The following NMRK2 variants were observed in gnomAD, a reference collection of about 807,000 sequenced individuals.
NMRK2 encodes nicotinamide riboside kinase 2, also known as NRK 2.
Under a neutral mutation model 24.7 loss-of-function variants are expected in NMRK2, and 34 were observed. That is an observed-to-expected ratio of 1.37 (90% confidence interval 1.05 to 1.83). The LOEUF (loss-of-function observed/expected upper bound fraction) is 1.83, where lower values mean the gene tolerates loss of function less well. Among genes scored for constraint, NMRK2 ranks in the 40% most tolerant of loss-of-function variants. The probability of loss-of-function intolerance (pLI) is 0.00; values close to 1 mark genes in which losing one functional copy is unlikely to be tolerated. For synonymous variants in NMRK2, 145 were observed against 125.6 expected (o/e 1.15, Z -1.03); for missense variants, 341 against 315.0 (o/e 1.08, Z -0.62).
Position 3,942,203 on chromosome 19 carries a change from C to A in NMRK2, c.623C>A (p.Thr208Lys). 6.2e-7 allele frequency: 1 copy of A among 1,613,120 alleles called. No individual in the cohort carries two copies. ...CCCTCCCCGGCTCGCCCAGCCAGGA[C>A]ACAGGGACCCGGACGCGGATGCGGC... is the stretch of plus-strand genomic sequence containing the variant. Reference protein sequence around the residue: ...SAPSPARPARTQGPGRGCGHR... With the variant: ...SAPSPARPARKQGPGRGCGHR... The change falls in exon 8 of 8, where the codon ACA (threonine) becomes AAA (lysine). Residue 208 changes from threonine (T) to lysine (K), a missense_variant. Transcript: ENST00000168977.
chr19:3,942,378 G>T lies in NMRK2; in HGVS notation c.*105G>T. On this transcript the variant is annotated 3_prime_UTR_variant, in exon 8 of 8. Coordinates refer to ENST00000168977, the MANE Select transcript of NMRK2 (RefSeq NM_170678.3). The stretch of plus-strand genomic sequence containing the variant: ...AGCCCCAAGACGCCTCTGTAACCTC[G>T]CTGCAGCTTCAGTAGTAAACTGGGT... 1.0e-6 allele frequency: 1 copy of T among 993,540 alleles called. No individual in the cohort carries two copies. Among genetic ancestry groups the T allele is most frequent in the East Asian group, 2.6e-5 (1 of 38,150 alleles). The allele number at this position is 993,540 out of a possible 1,614,324, so 61.5% of individuals were successfully genotyped here.
At chr19:3,936,362 C>T (rs754540141) in intron 2 of NMRK2, among the ~76,000 whole-genome samples, 2 of 151,798 alleles carry the variant, frequency 1.3e-5, no homozygotes, top group African/African-American at 4.8e-5. Context: ...GAGCTGAGAT[C>T]GCGCCACTGC....
At chr19:3,933,796 T>TGAGGTCACATACACGCCGCCC in intron 2 of NMRK2, 99 bp downstream of exon 2, 1 of 1,202,178 alleles carries the variant, frequency 8.3e-7, no homozygotes, top group Non-Finnish European at 1.1e-6. Context: ...GCCTGGCGCC[T>TGAGGTCACATACACGCCGCCC]GAGGTCACCT....
chr19:3,936,563 C>T lies in NMRK2; in HGVS notation c.27-12C>T. The T allele has an allele frequency of 1.2e-5, 19 of 1,540,772 alleles. No individual in the cohort carries two copies. The highest frequency in any genetic ancestry group is 1.6e-5 in the Non-Finnish European group (18 of 1,145,444). On this transcript the variant is annotated splice_polypyrimidine_tract_variant and intron_variant, in intron 2 of 7. Coordinates refer to ENST00000168977, the MANE Select transcript of NMRK2 (RefSeq NM_170678.3). ...GAGCCCAGGCAGTCTCATGCACACG[C>T]TGTCTCCCCAGCATGACCAACGGCG...
Position 3,933,526 on chromosome 19 carries a change from T to C in NMRK2, c.-146T>C. ...CTCCGCCCCATCCCCAGGGGCCGCCTCCCCCGGGGCGGCCTCCAGGCTGCC... is the reference window on the plus strand; with the variant it reads ...CTCCGCCCCATCCCCAGGGGCCGCCCCCCCCGGGGCGGCCTCCAGGCTGCC... On this transcript the variant is annotated 5_prime_UTR_variant, in exon 2 of 8. Transcript: ENST00000168977. The C allele has an allele frequency of 1.2e-6, 1 of 852,264 alleles. No individual in the cohort carries two copies. Among genetic ancestry groups the C allele is most frequent in the South Asian group, 1.9e-5 (1 of 53,380 alleles). 52.8% of individuals were successfully genotyped at this position (852,264 alleles called of 1,614,324 possible).
chr19:3,941,278 C>T (rs2039328983), intron 7 of NMRK2, 101 bp downstream of exon 7: 1 of 631,906 alleles, frequency 1.6e-6, no homozygotes, highest in South Asian at 2.0e-5. Context: ...AAGACAGAGT[C>T]TCACTCTGTC....
At position 3,942,360 on chromosome 19, in the gene NMRK2, A is replaced by G. The variant is rs116383371; in HGVS notation, c.*87A>G. On this transcript the variant is annotated 3_prime_UTR_variant, in exon 8 of 8. Coordinates refer to ENST00000168977, the MANE Select transcript of NMRK2 (RefSeq NM_170678.3). ...CCCGGAGCTCAGGGACTGAGCCCCAAGACGCCTCTGTAACCTCGCTGCAGC... is the reference window on the plus strand; with the variant it reads ...CCCGGAGCTCAGGGACTGAGCCCCAGGACGCCTCTGTAACCTCGCTGCAGC... The G allele has an allele frequency of 2.9e-3, 3,737 of 1,274,042 alleles. 90 individuals are homozygous for G. The African/African-American group carries it at 0.049, about 17-fold the overall frequency. 78.9% of individuals were successfully genotyped at this position (1,274,042 alleles called of 1,614,324 possible). A position where few individuals can be genotyped will look rare whatever the true frequency, so the allele number is the denominator to read the frequency against.
intron 5 of NMRK2, 126 bp from the exon 6 acceptor site, chr19:3,939,774 C>G: frequency 1.4e-6 from 1 of 738,912 alleles, no homozygotes; most frequent in Non-Finnish European, 2.3e-6. Context: ...GACCCCTAAA[C>G]TCACTGGCCC....
chr19:3,940,242 G>A (rs564004824), intron 6 of NMRK2, among the ~76,000 whole-genome samples: 3 of 149,618 alleles, frequency 2.0e-5, no homozygotes, highest in South Asian at 2.1e-4. Flanking sequence ...AGCTACTTGG[G>A]AGGCTGAGGC....
rs1237144989 is a variant in NMRK2 at position 3,942,096 on chromosome 19, C to A, written c.516C>A (p.Gly172=). The A allele has an allele frequency of 6.2e-7, 1 of 1,613,094 alleles. No individual in the cohort carries two copies. The highest frequency in any genetic ancestry group is 8.5e-7 in the Non-Finnish European group (1 of 1,179,946). ...TTCTGATTTCAGTCTACCTGGACGGCATGAAGTCCCGAGAGGAGCTCTTCC... is the reference window on the plus strand; with the variant it reads ...TTCTGATTTCAGTCTACCTGGACGGAATGAAGTCCCGAGAGGAGCTCTTCC... The part of the protein sequence containing the change: ...ANGVEVVYLD[G]MKSREELFRE... The change falls in exon 8 of 8, where the codon GGC becomes GGA. Residue 172 remains glycine, a synonymous_variant. Coordinates refer to ENST00000168977, the MANE Select transcript of NMRK2 (RefSeq NM_170678.3).
In NMRK2 at chr19:3,933,425, G is replaced by T. The variant is rs1384582520; in HGVS notation, c.-214-33G>T. ...GGAGGGAAGAGGCAGCCCCCTGCCC[G>T]GCCAGCTCGTGACTAATTTAGGCAA... On this transcript the variant is annotated intron_variant, in intron 1 of 7. Coordinates refer to ENST00000168977, the MANE Select transcript of NMRK2 (RefSeq NM_170678.3). 8.0e-6 allele frequency: 4 copies of T among 501,834 alleles called. No individual in the cohort carries two copies. In the African/African-American group the frequency reaches 8.2e-5, roughly 10 times the overall value. The allele number at this position is 501,834 out of a possible 1,614,324, so 31.1% of individuals were successfully genotyped here. A position where few individuals can be genotyped will look rare whatever the true frequency, so the allele number is the denominator to read the frequency against.
chr19:3,935,784 G>A (rs1023882724), intron 2 of NMRK2, among the ~76,000 whole-genome samples: 3 of 151,356 alleles, frequency 2.0e-5, no homozygotes, highest in African/African-American at 7.3e-5. Context: ...TTACTATGTT[G>A]CCCAGGCTAG....
Position 3,933,705 on chromosome 19 carries a change from C to G in NMRK2, c.26+8C>G. 1 of 1,437,276 alleles carries G rather than the reference C, an allele frequency of 7.0e-7. No individual in the cohort carries two copies. Among genetic ancestry groups the G allele is most frequent in the Non-Finnish European group, 9.1e-7 (1 of 1,095,734 alleles). The allele number at this position is 1,437,276 out of a possible 1,614,324, so 89.0% of individuals were successfully genotyped here. A position where few individuals can be genotyped will look rare whatever the true frequency, so the allele number is the denominator to read the frequency against. On this transcript the variant is annotated splice_region_variant and intron_variant, in intron 2 of 7. Transcript: ENST00000168977. ...CATCGTGGGCATCGGAGGGTGAGCG[C>G]CGGGGGACCTGGTGGGCGGCCCTGC...
chr19:3,941,413 C>T (rs1160429492), intron 7 of NMRK2, among the ~76,000 whole-genome samples: 1 of 151,746 alleles, frequency 6.6e-6, no homozygotes, highest in East Asian at 1.9e-4. Context: ...CCACACTCGG[C>T]CCCTAATTTG....
rs1439732983 is a variant in NMRK2 at position 3,942,340 on chromosome 19, A to G, written c.*67A>G. On this transcript the variant is annotated 3_prime_UTR_variant, in exon 8 of 8. Transcript: ENST00000168977. Reference sequence around the variant, plus strand: ...CCCCACTCCCAGTTGGGCGTCCCGGAGCTCAGGGACTGAGCCCCAAGACGC... The same window carrying G: ...CCCCACTCCCAGTTGGGCGTCCCGGGGCTCAGGGACTGAGCCCCAAGACGC... 1 of 1,458,900 alleles carries G rather than the reference A, an allele frequency of 6.9e-7. No homozygotes were observed. The highest frequency in any genetic ancestry group is 2.5e-5 in the East Asian group (1 of 40,672). 90.4% of individuals were successfully genotyped at this position (1,458,900 alleles called of 1,614,324 possible).
chr19:3,939,679 G>C (rs911183955), intron 5 of NMRK2, among the ~76,000 whole-genome samples: 3 of 152,112 alleles, frequency 2.0e-5, no homozygotes, highest in African/African-American at 7.2e-5. Flanking sequence ...CTGTCTGTCT[G>C]TGCCCGTCCA....
rs142587749 is a variant in NMRK2, at chr19:3,941,119, C to T, written c.444C>T (p.His148=). Residue 148 remains histidine, a synonymous_variant, in exon 7 of 8, where the codon CAC becomes CAT. Coordinates refer to ENST00000168977, the MANE Select transcript of NMRK2 (RefSeq NM_170678.3). ...ATCCCCCCGGCCTCTTCGATGGCCA[C>T]GTGTGGCCCATGTACCAGAAGTATA... The part of the protein sequence containing the change: ...VPDPPGLFDG[H]VWPMYQKYRQ... 9.0e-5 allele frequency: 135 copies of T among 1,504,690 alleles called. No individual in the cohort carries two copies. Among genetic ancestry groups the T allele is most frequent in the Admixed American group, 2.0e-4 (11 of 55,980 alleles). 93.2% of individuals were successfully genotyped at this position (1,504,690 alleles called of 1,614,324 possible).
intron 2 of NMRK2, among the ~76,000 whole-genome samples, chr19:3,935,576 T>C (rs1264178901): frequency 6.6e-6 from 1 of 150,756 alleles, no homozygotes; most frequent in African/African-American, 2.4e-5. Flanking sequence ...ATATTATCTA[T>C]TTATGTATTT....
intron 2 of NMRK2, among the ~76,000 whole-genome samples, chr19:3,935,575 A>G (rs943908549): frequency 2.0e-5 from 3 of 151,046 alleles, no homozygotes; most frequent in African/African-American, 7.3e-5. Context: ...TATATTATCT[A>G]TTTATGTATT....
Sources: gnomAD v4.1 joint callset for allele counts (sites outside exome capture counted in the v4.1 genomes callset) on GRCh38, gnomAD v4.1.1 for gene constraint, MANE v1.5 for transcripts, NCBI Gene and HGNC (gene_info 2026-07-23, HGNC 2026-07-21) for gene names.